The following TBC1D8 variants were observed in gnomAD, a reference collection of about 807,000 sequenced individuals.
TBC1D8 encodes the protein BUB2-like protein 1.
A neutral mutation model predicts 118.8 loss-of-function variants in TBC1D8; 65 were observed. That is an observed-to-expected ratio of 0.55 (90% CI 0.45 to 0.67). The LOEUF is 0.67. TBC1D8 is among the 30% of genes least tolerant of loss of function. TBC1D8 has a pLI of 0.00. For synonymous variants in TBC1D8, 566 were observed against 595.8 expected (o/e 0.95, Z 0.73); for missense variants, 1,376 against 1,471.2 (o/e 0.94, Z 1.06).
rs145981769 is a variant in TBC1D8, at chr2:101,114,482, T to C, written c.128-24118A>G. 1.9e-4 allele frequency among the ~76,000 whole-genome samples: 29 copies of C among 152,284 alleles called. No individual in the cohort carries two copies. In the East Asian group the frequency reaches 4.2e-3, roughly 22 times the overall value. ...GTTTAAACTCACTTACAGGAAACTTTTTCCGTATGCTCCAAGTACCTGGAG... is the reference window on the plus strand; with the variant it reads ...GTTTAAACTCACTTACAGGAAACTTCTTCCGTATGCTCCAAGTACCTGGAG... On this transcript the variant is annotated intron_variant, in intron 1 of 19. Transcript: ENST00000409318.
intron 17 of TBC1D8, among the ~76,000 whole-genome samples, chr2:101,015,426 C>G (rs10171847): frequency 0.35 from 52,543 of 151,996 alleles, 9,298 homozygotes; most frequent in Middle Eastern, 0.41. Flanking sequence ...TATTCTTCTT[C>G]ATCTTCAATA....
Position 101,146,218 on chromosome 2 carries a change from ATAAAC to A in TBC1D8, c.127+4904_127+4908del, listed in dbSNP as rs1679311748. Among the ~76,000 whole-genome samples the A allele has an allele frequency of 2.6e-5, 4 of 152,342 alleles. No individual in the cohort carries two copies. The South Asian group carries it at 6.2e-4, about 24-fold the overall frequency. On this transcript the variant is annotated intron_variant, in intron 1 of 19. Coordinates refer to ENST00000409318, the MANE Select transcript of TBC1D8 (RefSeq NM_001330348.2). ...TATAACTAAGGCTCAAAGAAACTGG[ATAAAC>A]TAACTCAAAGCCTCTCAGTCCAGAT...
rs1195805592 is a variant in TBC1D8 at position 101,012,636 on chromosome 2, A to C, written c.2828-1096T>G. 2.0e-5 allele frequency among the ~76,000 whole-genome samples: 3 copies of C among 152,292 alleles called. No individual in the cohort carries two copies. The East Asian group carries it at 5.8e-4, about 29-fold the overall frequency. The stretch of plus-strand genomic sequence containing the variant: ...CAACTCTGAATATACAAAAAAAAAA[A>C]AACCCATTGAATTGTACGCTTTAAA... On this transcript the variant is annotated intron_variant, in intron 17 of 19. Transcript: ENST00000409318.
chr2:101,054,437 C>T lies in TBC1D8; in HGVS notation c.403-101G>A, dbSNP rs1044991367. The stretch of plus-strand genomic sequence containing the variant: ...GGAGGGACTGAGGTGCACAGGCCCC[C>T]GAGAAGTGTGCGCTGCTTCAACGAC... On this transcript the variant is annotated intron_variant, in intron 3 of 19. Coordinates refer to ENST00000409318, the MANE Select transcript of TBC1D8 (RefSeq NM_001330348.2). The T allele has an allele frequency of 3.2e-5, 38 of 1,203,036 alleles. No individual in the cohort carries two copies. In the African/African-American group the frequency reaches 4.5e-4, roughly 14 times the overall value. The allele number at this position is 1,203,036 out of a possible 1,614,324, so 74.5% of individuals were successfully genotyped here.
intron 1 of TBC1D8, among the ~76,000 whole-genome samples, chr2:101,146,599 C>T (rs994276641): frequency 6.6e-6 from 1 of 152,116 alleles, no homozygotes; most frequent in African/African-American, 2.4e-5. Flanking sequence ...AATTATCACA[C>T]TGTAATTGTA....
intron 2 of TBC1D8, chr2:101,068,467 G>T: frequency 2.7e-6 from 1 of 371,212 alleles, no homozygotes; most frequent in Non-Finnish European, 4.9e-6. Flanking sequence ...TGAAGTCAAT[G>T]TTCCAGGAAG....
rs764153043 is a variant in TBC1D8, at chr2:101,019,019, C to T, written c.2827+2662G>A. ...CTAGTTTCTGTGCTAAACAGTGTTA[C>T]AGTCGCCAAGAGCCCATAAAGGGAG... On this transcript the variant is annotated intron_variant, in intron 17 of 19. Coordinates refer to ENST00000409318, the MANE Select transcript of TBC1D8 (RefSeq NM_001330348.2). 8 of 1,612,294 alleles carry T rather than the reference C, an allele frequency of 5.0e-6. No homozygotes were observed. The Admixed American group carries it at 1.2e-4, about 24-fold the overall frequency.
intron 9 of TBC1D8, among the ~76,000 whole-genome samples, chr2:101,034,337 C>T (rs1486968638): frequency 2.6e-5 from 4 of 152,316 alleles, no homozygotes; most frequent in Admixed American, 1.3e-4. Flanking sequence ...CATACACACA[C>T]GCAAATTTCA....
chr2:101,012,465 T>C (rs184944453), intron 17 of TBC1D8, among the ~76,000 whole-genome samples: 75 of 152,304 alleles, frequency 4.9e-4, no homozygotes, highest in South Asian at 4.1e-4. Flanking sequence ...TCCATTTATA[T>C]CAAATGTCCA....
chr2:101,127,333 C>T (rs1467734388), intron 1 of TBC1D8, among the ~76,000 whole-genome samples: 3 of 148,248 alleles, frequency 2.0e-5, no homozygotes, highest in African/African-American at 7.5e-5. Context: ...AAGACTTCAT[C>T]TCAGAAAAAA....
intron 1 of TBC1D8, among the ~76,000 whole-genome samples, chr2:101,098,457 A>C (rs1301937297): frequency 6.6e-6 from 1 of 152,138 alleles, no homozygotes. Flanking sequence ...TTAGATCAAC[A>C]AGACAGAAAA....
chr2:101,074,749 T>C (rs918212763), intron 2 of TBC1D8, among the ~76,000 whole-genome samples: 1 of 152,216 alleles, frequency 6.6e-6, no homozygotes, highest in Non-Finnish European at 1.5e-5. Flanking sequence ...AGAAGAAATA[T>C]AAAATCAAAG....
intron 5 of TBC1D8, among the ~76,000 whole-genome samples, chr2:101,042,008 C>G (rs1408303584): frequency 6.6e-6 from 1 of 151,326 alleles, no homozygotes; most frequent in Non-Finnish European, 1.5e-5. Flanking sequence ...CTGGGCGACA[C>G]AGTGAGACCC....
In TBC1D8 at chr2:101,038,614, C is replaced by A. The variant is rs372394865; in HGVS notation, c.1122G>T (p.Pro374=). The change falls in exon 7 of 20, where the codon CCG becomes CCT. Residue 374 remains proline (P), a synonymous_variant. Coordinates refer to ENST00000409318, the MANE Select transcript of TBC1D8 (RefSeq NM_001330348.2). The part of the protein sequence containing the change: ...IEKMEDTSLL[P]HPIIVSIRSK... ...TTCTGATACTGACAATGATGGGATG[C>A]GGCAGCAGGCTCGTGTCCTCCATCT... 5 of 1,613,942 alleles carry A rather than the reference C, an allele frequency of 3.1e-6. No individual in the cohort carries two copies.
chr2:101,040,496 G>A (rs1415172548), intron 5 of TBC1D8, 111 bp from the exon 6 acceptor site: 2 of 1,118,682 alleles, frequency 1.8e-6, no homozygotes, highest in African/African-American at 1.6e-5. Context: ...TTGAGACAGA[G>A]TCTCGCTCTG....
intron 17 of TBC1D8, chr2:101,019,233 A>G: frequency 1.9e-6 from 1 of 521,762 alleles, no homozygotes; most frequent in Non-Finnish European, 3.3e-6. Context: ...CCTCTTCGAC[A>G]GGCAAGTAAT....
intron 1 of TBC1D8, among the ~76,000 whole-genome samples, chr2:101,115,901 G>T (rs1383898643): frequency 6.6e-6 from 1 of 152,102 alleles, no homozygotes; most frequent in African/African-American, 2.4e-5. Context: ...CGCCAGCAAG[G>T]CCAGCCACCA....
chr2:101,108,458 T>C (rs150159188), intron 1 of TBC1D8, among the ~76,000 whole-genome samples: 1 of 152,156 alleles, frequency 6.6e-6, no homozygotes, highest in African/African-American at 2.4e-5. Context: ...ACAACCATAA[T>C]AGCTTAAAAC....
chr2:101,040,760 G>A lies in TBC1D8; in HGVS notation c.873-375C>T, dbSNP rs183885885. ...GCTGGGATTACAGGCGTGAGCCACCGCGCCCAGCCAAGAAAATACTTTTAA... is the reference window on the plus strand; with the variant it reads ...GCTGGGATTACAGGCGTGAGCCACCACGCCCAGCCAAGAAAATACTTTTAA... On this transcript the variant is annotated intron_variant, in intron 5 of 19. Coordinates refer to ENST00000409318, the MANE Select transcript of TBC1D8 (RefSeq NM_001330348.2). Among the ~76,000 whole-genome samples the A allele has an allele frequency of 3.2e-3, 481 of 152,336 alleles. 6 individuals are homozygous for A. The highest frequency in any genetic ancestry group is 0.011 in the African/African-American group (461 of 41,584).
Sources: allele counts gnomAD v4.1 joint callset (sites outside exome capture counted in the v4.1 genomes callset), GRCh38; gene constraint gnomAD v4.1.1; transcripts MANE v1.5; gene names NCBI Gene and HGNC (gene_info 2026-07-23, HGNC 2026-07-21).